The following AFF1 variants were observed in gnomAD, a reference collection of about 807,000 sequenced individuals.
AFF1 encodes the protein ALF transcription elongation factor 1.
Under a neutral mutation model 121.7 loss-of-function variants are expected in AFF1, and 48 were observed. The ratio of observed to expected loss-of-function variants is 0.39; its 90% CI spans 0.31 to 0.50. The LOEUF (loss-of-function observed/expected upper bound fraction) is 0.50. Ranked by LOEUF, AFF1 falls within the 20% of genes least tolerant of loss-of-function variation. The probability of loss-of-function intolerance (pLI) is 0.76; values close to 1 mark genes in which losing one functional copy is unlikely to be tolerated. For synonymous variants in AFF1, 613 were observed against 563.0 expected, an observed-to-expected ratio of 1.09 and a Z score of -1.26; for missense variants, 1,523 against 1,511.7, an observed-to-expected ratio of 1.01 and a Z score of -0.12.
At chr4:87,023,946 G>C (rs116739568) in intron 2 of AFF1, among the ~76,000 whole-genome samples, 1,878 of 152,290 alleles carry the variant, frequency 0.012, 17 homozygotes, top group Non-Finnish European at 0.02. Context: ...ATTTCCACTG[G>C]TAAACCTGGG....
intron 2 of AFF1, among the ~76,000 whole-genome samples, chr4:86,957,145 T>C (rs1286607369): frequency 2.6e-5 from 4 of 152,228 alleles, no homozygotes; most frequent in Admixed American, 2.6e-4. Context: ...TTTTAGGTGC[T>C]AAACTTGGTC....
chr4:87,006,223 C>T (rs1176188892), intron 2 of AFF1, among the ~76,000 whole-genome samples: 2 of 152,148 alleles, frequency 1.3e-5, no homozygotes, highest in Non-Finnish European at 2.9e-5. Flanking sequence ...ATTCAGTATT[C>T]ATCTAAGAGT....
intron 8 of AFF1, among the ~76,000 whole-genome samples, chr4:87,101,823 C>T (rs1348618913): frequency 6.6e-6 from 1 of 152,208 alleles, no homozygotes; most frequent in African/African-American, 2.4e-5. Context: ...TGAGCACTTA[C>T]TCTTTCTCAA....
At chr4:87,098,254 A>G (rs1725079007) in intron 8 of AFF1, among the ~76,000 whole-genome samples, 1 of 152,226 alleles carries the variant, frequency 6.6e-6, no homozygotes, top group African/African-American at 2.4e-5. Flanking sequence ...GTAATGGTTC[A>G]GCATGTAGTT....
intron 12 of AFF1, among the ~76,000 whole-genome samples, chr4:87,124,791 G>A (rs965489947): frequency 2.6e-5 from 4 of 152,004 alleles, no homozygotes; most frequent in African/African-American, 4.8e-5. Context: ...TGCATGGGAG[G>A]AATTGTTTTT....
chr4:86,936,854 G>T (rs1217213465), intron 1 of AFF1, among the ~76,000 whole-genome samples: 15 of 152,186 alleles, frequency 9.9e-5, no homozygotes, highest in Admixed American at 9.2e-4. Flanking sequence ...AAAGGAAAAT[G>T]ATCCAAGGGG....
chr4:87,012,411 A>C (rs1056039534), intron 2 of AFF1, among the ~76,000 whole-genome samples: 1 of 152,122 alleles, frequency 6.6e-6, no homozygotes, highest in Non-Finnish European at 1.5e-5. Context: ...TCTTGGAGAC[A>C]TGCTTCTTGG....
At chr4:87,022,982 A>T (rs115106729) in intron 2 of AFF1, among the ~76,000 whole-genome samples, 1,990 of 152,072 alleles carry the variant, frequency 0.013, 41 homozygotes, top group African/African-American at 0.046. Context: ...AGCTTACCGC[A>T]GCATTAGACT....
At chr4:86,978,471 C>T (rs1459990373) in intron 2 of AFF1, among the ~76,000 whole-genome samples, 1 of 151,962 alleles carries the variant, frequency 6.6e-6, no homozygotes, top group Non-Finnish European at 1.5e-5. Context: ...TGTGAGCCAC[C>T]ATGCCCGGCC....
intron 16 of AFF1, among the ~76,000 whole-genome samples, chr4:87,129,160 C>T (rs1414842616): frequency 6.6e-6 from 1 of 152,166 alleles, no homozygotes; most frequent in Non-Finnish European, 1.5e-5. Context: ...ATAATTATAT[C>T]CCATTTCACT....
chr4:87,135,894 C>A lies in AFF1; in HGVS notation c.*193C>A. 1 of 889,730 alleles carries A rather than the reference C, an allele frequency of 1.1e-6. No individual in the cohort carries two copies. 55.1% of individuals were successfully genotyped at this position (889,730 alleles called of 1,614,324 possible). ...GTTGGACACTGTGGTTATGCAGAAGCAGAGATGAGGAGGCTGGCCCCAGAG... is the reference window on the plus strand; with the variant it reads ...GTTGGACACTGTGGTTATGCAGAAGAAGAGATGAGGAGGCTGGCCCCAGAG... On this transcript the variant is annotated 3_prime_UTR_variant, in exon 21 of 21. Transcript: ENST00000395146.
chr4:87,087,916 C>G (rs1723897306), intron 5 of AFF1, among the ~76,000 whole-genome samples: 1 of 152,104 alleles, frequency 6.6e-6, no homozygotes, highest in South Asian at 2.1e-4. Context: ...TAAAGTATTA[C>G]CAAGTAAATA....
Position 86,951,399 on chromosome 4 carries a change from C to G in AFF1, c.38+2828C>G, listed in dbSNP as rs565175593. ...ACAAAAAAAAAAAATTGAGAAAGCA[C>G]TGACGCTTTTCAATTCGTTACAGTT... On this transcript the variant is annotated intron_variant, in intron 2 of 20. Transcript: ENST00000395146. Among the ~76,000 whole-genome samples, 18 of 151,620 alleles carry G rather than the reference C, an allele frequency of 1.2e-4. No homozygotes were observed. In the South Asian group the frequency reaches 3.5e-3, roughly 30 times the overall value.
At chr4:87,014,086 A>G (rs1037309538) in intron 2 of AFF1, among the ~76,000 whole-genome samples, 3 of 152,164 alleles carry the variant, frequency 2.0e-5, no homozygotes, top group Non-Finnish European at 2.9e-5. Context: ...TTATCCTTAT[A>G]TTACAAACTG....
intron 4 of AFF1, among the ~76,000 whole-genome samples, chr4:87,079,596 G>T (rs140414606): frequency 1.3e-5 from 2 of 152,216 alleles, no homozygotes; most frequent in Admixed American, 1.3e-4. Flanking sequence ...GTTTCTTGCA[G>T]CAGTGTTGAG....
chr4:87,019,812 T>G (rs1341506730), intron 2 of AFF1, among the ~76,000 whole-genome samples: 1 of 143,788 alleles, frequency 7.0e-6, no homozygotes, highest in Non-Finnish European at 1.5e-5. Flanking sequence ...ATTGAAACCG[T>G]GGGATCCCAA....
intron 10 of AFF1, among the ~76,000 whole-genome samples, chr4:87,106,929 C>T (rs999307181): frequency 1.3e-5 from 2 of 152,168 alleles, no homozygotes; most frequent in African/African-American, 4.8e-5. Flanking sequence ...TCAGTAATTT[C>T]TGGTGGGTTA....
At chr4:86,989,482 A>G (rs1029928859) in intron 2 of AFF1, among the ~76,000 whole-genome samples, 8 of 152,358 alleles carry the variant, frequency 5.3e-5, no homozygotes, top group African/African-American at 1.4e-4. Context: ...ATGAGATACC[A>G]TCTCACACCA....
chr4:87,007,306 T>TC, intron 2 of AFF1: 2 of 1,584,834 alleles, frequency 1.3e-6, no homozygotes, highest in Admixed American at 3.6e-5. Context: ...CCGGGACGCG[T>TC]CCCCGCCCGG....
Sources: gnomAD v4.1 joint callset for allele counts (sites outside exome capture counted in the v4.1 genomes callset) on GRCh38, gnomAD v4.1.1 for gene constraint, MANE v1.5 for transcripts, NCBI Gene and HGNC (gene_info 2026-07-23, HGNC 2026-07-21) for gene names.